Variants in SLC35F1 observed in about 807,000 individuals in gnomAD.
SLC35F1 encodes solute carrier family 35 member F1.
A neutral mutation model predicts 48.7 loss-of-function variants in SLC35F1; 14 were observed. The observed-to-expected ratio is 0.29, with a 90% confidence interval of 0.19 to 0.45. The LOEUF (loss-of-function observed/expected upper bound fraction) is 0.45. Ranked by LOEUF, SLC35F1 falls within the 20% of genes least tolerant of loss-of-function variation. The pLI is 1.00. For synonymous variants in SLC35F1, 190 were observed against 202.2 expected, an observed-to-expected ratio of 0.94 and a Z score of 0.51; for missense variants, 404 against 500.0, an observed-to-expected ratio of 0.81 and a Z score of 1.83.
chr6:118,276,538 C>T (rs144347810), intron 5 of SLC35F1, among the ~76,000 whole-genome samples: 5 of 152,254 alleles, frequency 3.3e-5, no homozygotes, highest in Admixed American at 1.3e-4. Flanking sequence ...TGGTGAAAAA[C>T]TTCACAGCAA....
chr6:118,262,307 G>T (rs766736493), intron 3 of SLC35F1, among the ~76,000 whole-genome samples: 2 of 152,068 alleles, frequency 1.3e-5, no homozygotes, highest in Admixed American at 6.5e-5. Flanking sequence ...GATGGGATGC[G>T]TGTGTGCAGG....
At chr6:118,096,070 A>G (rs1227363109) in intron 1 of SLC35F1, among the ~76,000 whole-genome samples, 1 of 152,238 alleles carries the variant, frequency 6.6e-6, no homozygotes, top group East Asian at 1.9e-4. Flanking sequence ...GGGGAAAAGA[A>G]AATTGAATCA....
At chr6:118,064,843 T>C (rs530744351) in intron 1 of SLC35F1, among the ~76,000 whole-genome samples, 3 of 152,294 alleles carry the variant, frequency 2.0e-5, no homozygotes, top group African/African-American at 7.2e-5. Context: ...TTGTGTTTAT[T>C]TTAATCTTCC....
Position 118,007,483 on chromosome 6 carries a change from G to C in SLC35F1, c.173+99584G>C, listed in dbSNP as rs1046603429. On this transcript the variant is annotated intron_variant, in intron 1 of 7. Transcript: ENST00000360388. ...CCATGGTTGTAGTGACTTCAGGGGT[G>C]CACTCTTTATTATGTGATGGCTCAT... is the stretch of plus-strand genomic sequence containing the variant. Among the ~76,000 whole-genome samples, 16 of 152,136 alleles carry C rather than the reference G, an allele frequency of 1.1e-4. 1 individual carries two copies. The highest frequency in any genetic ancestry group is 3.9e-4 in the African/African-American group (16 of 41,422).
chr6:118,269,866 T>C (rs190451638), intron 4 of SLC35F1, among the ~76,000 whole-genome samples: 1 of 152,098 alleles, frequency 6.6e-6, no homozygotes, highest in African/African-American at 2.4e-5. Context: ...TGAGACCCCA[T>C]CTCTACAGAA....
At position 118,194,398 on chromosome 6, in the gene SLC35F1, GA is replaced by G. The variant is rs567686316; in HGVS notation, c.349+39781del. On this transcript the variant is annotated intron_variant, in intron 2 of 7. Transcript: ENST00000360388. ...CATTGTAAAATGGCAGACATCAAAA[GA>G]AAGTACTGCCATGTGGTTACAAGGT... 9.4e-4 allele frequency among the ~76,000 whole-genome samples: 143 copies of G among 152,198 alleles called. 1 individual carries two copies. Among genetic ancestry groups the G allele is most frequent in the Middle Eastern group, 3.4e-3 (1 of 294 alleles).
At chr6:118,157,194 G>A (rs546892500) in intron 2 of SLC35F1, among the ~76,000 whole-genome samples, 31 of 152,252 alleles carry the variant, frequency 2.0e-4, no homozygotes, top group Middle Eastern at 3.4e-3. Context: ...ATCCAACGCA[G>A]GGCTGTGAGG....
intron 1 of SLC35F1, among the ~76,000 whole-genome samples, chr6:118,115,715 C>T (rs900463816): frequency 6.6e-6 from 1 of 152,116 alleles, no homozygotes; most frequent in African/African-American, 2.4e-5. Flanking sequence ...ACTCTGGTAG[C>T]TTAATATGAA....
intron 1 of SLC35F1, among the ~76,000 whole-genome samples, chr6:117,924,381 A>G (rs1405307475): frequency 6.8e-6 from 1 of 146,138 alleles, no homozygotes; most frequent in Non-Finnish European, 1.5e-5. Flanking sequence ...ACACATGCAT[A>G]TGTATATACA....
chr6:118,143,752 A>T (rs1408714611), intron 1 of SLC35F1, among the ~76,000 whole-genome samples: 1 of 152,218 alleles, frequency 6.6e-6, no homozygotes, highest in Non-Finnish European at 1.5e-5. Flanking sequence ...AATATCGACC[A>T]TGAGGTAGTT....
At chr6:118,303,537 T>C (rs554477440) in intron 7 of SLC35F1, among the ~76,000 whole-genome samples, 5 of 152,290 alleles carry the variant, frequency 3.3e-5, no homozygotes, top group African/African-American at 1.2e-4. Context: ...CTAAACCTCC[T>C]CACACCTCCA....
intron 1 of SLC35F1, among the ~76,000 whole-genome samples, chr6:118,017,467 C>A (rs1777337597): frequency 6.6e-6 from 1 of 152,192 alleles, no homozygotes; most frequent in Admixed American, 6.5e-5. Flanking sequence ...ACAGCAGGAT[C>A]ATCTGCTCTT....
At chr6:117,910,705 C>T (rs931531211) in intron 1 of SLC35F1, among the ~76,000 whole-genome samples, 2 of 152,138 alleles carry the variant, frequency 1.3e-5, no homozygotes, top group Non-Finnish European at 2.9e-5. Flanking sequence ...TCCTAGCATC[C>T]CACTGGGCCA....
intron 1 of SLC35F1, among the ~76,000 whole-genome samples, chr6:118,032,472 G>T (rs1772068385): frequency 6.6e-6 from 1 of 152,164 alleles, no homozygotes; most frequent in African/African-American, 2.4e-5. Flanking sequence ...GAAGTGGAAT[G>T]CATAGAGATG....
intron 1 of SLC35F1, among the ~76,000 whole-genome samples, chr6:117,961,393 A>T (rs1776496648): frequency 6.6e-6 from 1 of 152,176 alleles, no homozygotes; most frequent in Non-Finnish European, 1.5e-5. Flanking sequence ...AACCAAATGG[A>T]AAACTTGTGA....
chr6:118,285,948 A>T (rs1210085491), intron 7 of SLC35F1, among the ~76,000 whole-genome samples: 1 of 152,206 alleles, frequency 6.6e-6, no homozygotes, highest in Non-Finnish European at 1.5e-5. Context: ...CTCAGAATGC[A>T]AAACTCTACC....
intron 1 of SLC35F1, among the ~76,000 whole-genome samples, chr6:117,923,763 G>GTATATATACATGTATGTA (rs1775969946): frequency 5.5e-5 from 1 of 18,080 alleles, no homozygotes; most frequent in Non-Finnish European, 9.5e-5. Flanking sequence ...ATATACATAT[G>GTATATATACATGTATGTA]CACATACATA....
At chr6:118,240,470 A>G (rs917630411) in intron 3 of SLC35F1, among the ~76,000 whole-genome samples, 4 of 152,250 alleles carry the variant, frequency 2.6e-5, no homozygotes, top group Non-Finnish European at 2.9e-5. Context: ...TTCAAAAGTA[A>G]TTACTGAATA....
chr6:118,231,117 A>G (rs1423540595), intron 2 of SLC35F1, among the ~76,000 whole-genome samples: 1 of 152,234 alleles, frequency 6.6e-6, no homozygotes, highest in African/African-American at 2.4e-5. Context: ...TTCTCAAAAA[A>G]TAAAGATCTG....
Sources: gnomAD v4.1 joint callset for allele counts (sites outside exome capture counted in the v4.1 genomes callset) on GRCh38, gnomAD v4.1.1 for gene constraint, MANE v1.5 for transcripts, NCBI Gene and HGNC (gene_info 2026-07-23, HGNC 2026-07-21) for gene names.